Variants in CSMD1 observed in about 807,000 individuals in gnomAD.
CSMD1 encodes the protein CUB and Sushi multiple domains 1.
In CSMD1, 213 loss-of-function variants were observed where a neutral mutation model predicts 417.5. The ratio of observed to expected loss-of-function variants is 0.51; its 90% CI spans 0.46 to 0.57. The LOEUF is 0.57. Among genes scored for constraint, CSMD1 ranks in the 20% least tolerant of loss-of-function variants. The pLI, the probability that CSMD1 is intolerant of heterozygous loss-of-function variation, is 0.00. For synonymous variants in CSMD1, 2,862 were observed against 1,736.8 expected (o/e 1.65, Z -16.11); for missense variants, 6,923 against 4,529.7 (o/e 1.53, Z -15.17).
At chr8:3,051,904 T>TA (rs1811845116) in intron 50 of CSMD1, among the ~76,000 whole-genome samples, 1 of 152,214 alleles carries the variant, frequency 6.6e-6, no homozygotes, top group Admixed American at 6.5e-5. Flanking sequence ...TCCAATTTGT[T>TA]ACTCTTTTAA....
chr8:3,299,253 A>T (rs1464447908), intron 25 of CSMD1, among the ~76,000 whole-genome samples: 1 of 152,086 alleles, frequency 6.6e-6, no homozygotes, highest in South Asian at 2.1e-4. Context: ...GGAGTTCGAG[A>T]CCAGCCTGGC....
intron 29 of CSMD1, among the ~76,000 whole-genome samples, chr8:3,216,708 C>T (rs1016961779): frequency 3.9e-5 from 6 of 152,244 alleles, no homozygotes; most frequent in African/African-American, 1.4e-4. Context: ...GACTTCATAA[C>T]AGGGTGTATT....
At chr8:3,263,485 A>G (rs1183369136) in intron 26 of CSMD1, among the ~76,000 whole-genome samples, 1 of 152,180 alleles carries the variant, frequency 6.6e-6, no homozygotes, top group Non-Finnish European at 1.5e-5. Flanking sequence ...GATGAATTCA[A>G]AGAGCCTTAT....
chr8:3,706,143 T>C (rs1194160008), intron 7 of CSMD1, among the ~76,000 whole-genome samples: 3 of 152,234 alleles, frequency 2.0e-5, no homozygotes, highest in Non-Finnish European at 4.4e-5. Flanking sequence ...CTCCATTTAC[T>C]ATGGAAGGCT....
chr8:3,200,775 C>T (rs1244495647), intron 32 of CSMD1, among the ~76,000 whole-genome samples: 4 of 151,918 alleles, frequency 2.6e-5, no homozygotes, highest in Non-Finnish European at 5.9e-5. Flanking sequence ...AATAACAAAA[C>T]ATAGGTCTTA....
At chr8:4,275,249 G>T (rs919494548) in intron 3 of CSMD1, among the ~76,000 whole-genome samples, 1 of 151,858 alleles carries the variant, frequency 6.6e-6, no homozygotes, top group Non-Finnish European at 1.5e-5. Context: ...AATAAATATG[G>T]GCGAAATGAA....
intron 3 of CSMD1, among the ~76,000 whole-genome samples, chr8:4,205,594 G>T (rs912327274): frequency 2.0e-5 from 3 of 152,204 alleles, no homozygotes; most frequent in Non-Finnish European, 2.9e-5. Flanking sequence ...GATGGGGTAG[G>T]ATGAAGCCCT....
chr8:3,258,519 A>T (rs564201200), intron 26 of CSMD1, among the ~76,000 whole-genome samples: 1 of 152,334 alleles, frequency 6.6e-6, no homozygotes, highest in Non-Finnish European at 1.5e-5. Context: ...TTCAACCATT[A>T]TGGAAGACAG....
At chr8:3,182,350 G>C (rs528824057) in intron 36 of CSMD1, among the ~76,000 whole-genome samples, 5 of 152,142 alleles carry the variant, frequency 3.3e-5, no homozygotes, top group Non-Finnish European at 7.3e-5. Context: ...AAGTAGCTGA[G>C]ATTACAGGCA....
At chr8:3,141,958 C>T (rs1285113736) in intron 41 of CSMD1, among the ~76,000 whole-genome samples, 4 of 152,152 alleles carry the variant, frequency 2.6e-5, no homozygotes, top group Admixed American at 1.3e-4. Context: ...CCACTATGCC[C>T]AGCTAATTTT....
chr8:4,357,860 A>G (rs895390883), intron 3 of CSMD1, among the ~76,000 whole-genome samples: 1 of 151,700 alleles, frequency 6.6e-6, no homozygotes, highest in Non-Finnish European at 1.5e-5. Context: ...CTTAAAATTT[A>G]TCATATTTTA....
At chr8:4,753,631 G>A (rs142832174) in intron 1 of CSMD1, among the ~76,000 whole-genome samples, 288 of 152,208 alleles carry the variant, frequency 1.9e-3, no homozygotes, top group Non-Finnish European at 3.5e-3. Context: ...TCACTGTTCC[G>A]CAGCAGGACA....
intron 2 of CSMD1, among the ~76,000 whole-genome samples, chr8:4,447,681 C>T (rs73660845): frequency 1.3e-5 from 2 of 152,104 alleles, no homozygotes; most frequent in Non-Finnish European, 2.9e-5. Flanking sequence ...TCTCCTGTGA[C>T]CTCTTGTTTT....
At chr8:3,252,029 C>G (rs544728943) in intron 26 of CSMD1, among the ~76,000 whole-genome samples, 7 of 152,322 alleles carry the variant, frequency 4.6e-5, no homozygotes, top group Non-Finnish European at 7.3e-5. Flanking sequence ...ATTTGACTTC[C>G]TCTTTTCCTA....
chr8:3,515,200 A>G (rs1797235844), intron 10 of CSMD1: 1 of 152,214 alleles, frequency 6.6e-6, no homozygotes, highest in Admixed American at 6.5e-5. Context: ...TAAAGATTTG[A>G]GGAAATTAAA....
At position 4,077,210 on chromosome 8, in the gene CSMD1, A is replaced by C. The variant is rs935886129; in HGVS notation, c.416-45111T>G. Among the ~76,000 whole-genome samples the C allele has an allele frequency of 6.0e-5, 9 of 150,466 alleles. No individual in the cohort carries two copies. In the Middle Eastern group the frequency reaches 0.017, roughly 290 times the overall value. On this transcript the variant is annotated intron_variant, in intron 3 of 69. Coordinates refer to ENST00000635120, the MANE Select transcript of CSMD1 (RefSeq NM_033225.6). ...AGAGAGAAGTCTCTAAATCCAGATG[A>C]GAGCTCTGTGAATTTCAGCTACTCC... is the stretch of plus-strand genomic sequence containing the variant.
chr8:4,169,979 G>C (rs990052023), intron 3 of CSMD1, among the ~76,000 whole-genome samples: 6 of 151,322 alleles, frequency 4.0e-5, no homozygotes, highest in Non-Finnish European at 7.3e-5. Flanking sequence ...TGTATCCTTT[G>C]TGCATAGAAG....
In CSMD1 at chr8:2,965,889, T is replaced by C; in HGVS notation, c.9166A>G (p.Asn3056Asp). Residue 3056 changes from asparagine (N) to aspartate (D), a missense_variant, in exon 59 of 70, where the codon AAC becomes GAC. Transcript: ENST00000635120. Reference protein sequence around the residue: ...GIQFGTDFTFNKTVSYQCNPG... With the variant: ...GIQFGTDFTFDKTVSYQCNPG... ...TTACACTGATAGCTCACAGTCTTGT[T>C]GAAGGTGAAGTCGGTCCCAAACTGG... 1.2e-6 allele frequency: 2 copies of C among 1,610,684 alleles called. No homozygotes were observed. The highest frequency in any genetic ancestry group is 2.2e-5 in the South Asian group (2 of 90,028).
At chr8:4,163,066 G>T (rs1797261004) in intron 3 of CSMD1, among the ~76,000 whole-genome samples, 2 of 152,108 alleles carry the variant, frequency 1.3e-5, no homozygotes, top group Admixed American at 6.6e-5. Context: ...ATGGCTTTCG[G>T]TTAATTTTGT....
Sources: allele counts gnomAD v4.1 joint callset (sites outside exome capture counted in the v4.1 genomes callset), GRCh38; gene constraint gnomAD v4.1.1; transcripts MANE v1.5; gene names NCBI Gene and HGNC (gene_info 2026-07-23, HGNC 2026-07-21).